The following MAST4 variants were observed in gnomAD, a reference collection of about 807,000 sequenced individuals.
MAST4 encodes microtubule-associated serine/threonine-protein kinase 4.
Under a neutral mutation model 162.7 loss-of-function variants are expected in MAST4, and 89 were observed. The observed-to-expected ratio is 0.55, with a 90% CI of 0.46 to 0.65. The LOEUF (loss-of-function observed/expected upper bound fraction) is 0.65. MAST4 is among the 30% of genes least tolerant of loss of function. The pLI, the probability that MAST4 is intolerant of heterozygous loss-of-function variation, is 0.00. For synonymous variants in MAST4, 1,479 were observed against 1,361.1 expected, an observed-to-expected ratio of 1.09 and a Z score of -1.91; for missense variants, 3,153 against 3,374.0, an observed-to-expected ratio of 0.93 and a Z score of 1.62.
At chr5:66,811,694 C>G (rs1454191137) in intron 3 of MAST4, among the ~76,000 whole-genome samples, 1 of 152,128 alleles carries the variant, frequency 6.6e-6, no homozygotes, top group Admixed American at 6.5e-5. Flanking sequence ...ATTTAGCCAT[C>G]TGTTGGGTCC....
chr5:67,169,119 G>C lies in MAST4; in HGVS notation c.*2068G>C, dbSNP rs1488725128. ...ACCCAATCCTACATTCAGCCATCGG[G>C]ACAAGTCTGTCGGGGAGGTAGTTCA... On this transcript the variant is annotated 3_prime_UTR_variant, in exon 29 of 29. Coordinates refer to ENST00000403625, the MANE Select transcript of MAST4 (RefSeq NM_001164664.2). 6.6e-6 allele frequency: 1 copy of C among 152,186 alleles called. No homozygotes were observed. The highest frequency in any genetic ancestry group is 1.5e-5 in the Non-Finnish European group (1 of 68,038). The allele number at this position is 152,186 out of a possible 1,614,324, so 9.4% of individuals were successfully genotyped here.
At chr5:66,635,975 T>TTTTTTTTTC (rs1386965157) in intron 1 of MAST4, among the ~76,000 whole-genome samples, 1 of 113,512 alleles carries the variant, frequency 8.8e-6, no homozygotes, top group African/African-American at 3.9e-5. Flanking sequence ...TTTTTTTTTT[T>TTTTTTTTTC]CGAGACAGAG....
At chr5:66,987,139 AT>A (rs1239422560) in intron 4 of MAST4, among the ~76,000 whole-genome samples, 7 of 152,138 alleles carry the variant, frequency 4.6e-5, no homozygotes, top group African/African-American at 1.7e-4. Context: ...TCAAATATGT[AT>A]ATAAGTATGT....
At chr5:66,658,619 A>G (rs1746702951) in intron 1 of MAST4, among the ~76,000 whole-genome samples, 1 of 152,208 alleles carries the variant, frequency 6.6e-6, no homozygotes, top group Non-Finnish European at 1.5e-5. Flanking sequence ...GTGGTGGGAA[A>G]AAAGCCTAGT....
chr5:66,982,378 T>C (rs1272135874), intron 4 of MAST4, among the ~76,000 whole-genome samples: 2 of 152,158 alleles, frequency 1.3e-5, no homozygotes, highest in African/African-American at 4.8e-5. Context: ...CACTTAGAGA[T>C]GTAATATCGA....
At chr5:66,770,728 T>G (rs1348885285) in intron 2 of MAST4, among the ~76,000 whole-genome samples, 1 of 152,220 alleles carries the variant, frequency 6.6e-6, no homozygotes, top group Non-Finnish European at 1.5e-5. Context: ...TTTGCTTTGA[T>G]GTGTACCTGA....
At chr5:67,087,925 A>C (rs571518587) in intron 5 of MAST4, among the ~76,000 whole-genome samples, 3 of 152,324 alleles carry the variant, frequency 2.0e-5, no homozygotes, top group African/African-American at 7.2e-5. Flanking sequence ...ATGTTCAAGC[A>C]ATGGACCTAG....
At chr5:66,818,599 G>T (rs567319829) in intron 3 of MAST4, among the ~76,000 whole-genome samples, 1 of 152,112 alleles carries the variant, frequency 6.6e-6, no homozygotes, top group Admixed American at 6.5e-5. Flanking sequence ...TTCACTTAAT[G>T]CTTCTGTTTC....
At chr5:66,972,856 C>T (rs1443018826) in intron 4 of MAST4, among the ~76,000 whole-genome samples, 1 of 152,218 alleles carries the variant, frequency 6.6e-6, no homozygotes, top group Non-Finnish European at 1.5e-5. Flanking sequence ...TCCCTCTAGC[C>T]TCATTGGACT....
chr5:67,001,890 A>T (rs866867221), intron 4 of MAST4: 7 of 152,328 alleles, frequency 4.6e-5, no homozygotes, highest in South Asian at 4.1e-4. Flanking sequence ...ATAGTTTCAC[A>T]TAGCTGTATT....
intron 1 of MAST4, among the ~76,000 whole-genome samples, chr5:66,608,924 G>A (rs1743087593): frequency 6.6e-6 from 1 of 152,082 alleles, no homozygotes; most frequent in South Asian, 2.1e-4. Context: ...CTGTGGTGTG[G>A]CTATCTGTTG....
intron 27 of MAST4, 67 bp downstream of exon 27, chr5:67,160,659 T>C: frequency 1.3e-6 from 2 of 1,514,788 alleles, no homozygotes; most frequent in Non-Finnish European, 1.8e-6. Context: ...TACCCCTTAA[T>C]TAAATGCTTA....
intron 1 of MAST4, among the ~76,000 whole-genome samples, chr5:66,701,696 A>G (rs1419412653): frequency 4.6e-5 from 7 of 152,258 alleles, no homozygotes; most frequent in Admixed American, 4.6e-4. Context: ...GAAATAAAAA[A>G]TAAGGTCAGG....
intron 3 of MAST4, among the ~76,000 whole-genome samples, chr5:66,877,514 CT>C (rs1761385496): frequency 6.6e-6 from 1 of 152,204 alleles, no homozygotes; most frequent in Non-Finnish European, 1.5e-5. Context: ...CTTTAAGCCC[CT>C]GTTCTTAACC....
At chr5:66,642,033 T>G (rs1274716394) in intron 1 of MAST4, among the ~76,000 whole-genome samples, 1 of 152,182 alleles carries the variant, frequency 6.6e-6, no homozygotes, top group Non-Finnish European at 1.5e-5. Context: ...TTGCACACCC[T>G]AATAAAATAA....
chr5:66,939,077 T>C (rs1190438739), intron 4 of MAST4, among the ~76,000 whole-genome samples: 1 of 152,090 alleles, frequency 6.6e-6, no homozygotes, highest in Non-Finnish European at 1.5e-5. Flanking sequence ...TTAGAACATA[T>C]GGACTTAAAA....
intron 3 of MAST4, among the ~76,000 whole-genome samples, chr5:66,843,811 C>A (rs950971081): frequency 6.6e-6 from 1 of 152,148 alleles, no homozygotes; most frequent in African/African-American, 2.4e-5. Context: ...TTTTGATACA[C>A]AGCCAGGGTA....
chr5:66,638,232 G>A (rs1442003371), intron 1 of MAST4, among the ~76,000 whole-genome samples: 1 of 152,140 alleles, frequency 6.6e-6, no homozygotes, highest in African/African-American at 2.4e-5. Flanking sequence ...TGGCAGTGGT[G>A]TTCCCAGCCA....
chr5:67,016,584 T>C (rs1753310149), intron 4 of MAST4, among the ~76,000 whole-genome samples: 1 of 152,224 alleles, frequency 6.6e-6, no homozygotes, highest in South Asian at 2.1e-4. Flanking sequence ...GCTGATTCTC[T>C]TTCCTATTAA....
Sources: allele counts gnomAD v4.1 joint callset (sites outside exome capture counted in the v4.1 genomes callset), GRCh38; gene constraint gnomAD v4.1.1; transcripts MANE v1.5; gene names NCBI Gene and HGNC (gene_info 2026-07-23, HGNC 2026-07-21).